Variants in PRORP observed in about 807,000 individuals in gnomAD.
PRORP encodes the protein protein only RNase P catalytic subunit.
Under a neutral mutation model 59.4 loss-of-function variants are expected in PRORP, and 51 were observed. The ratio of observed to expected loss-of-function variants is 0.86; its 90% CI spans 0.69 to 1.08. PRORP has a LOEUF of 1.08. Among genes scored for constraint, PRORP ranks in the 50% least tolerant of loss-of-function variants. The pLI is 0.00. For synonymous variants in PRORP, 231 were observed against 245.6 expected (o/e 0.94, Z 0.55); for missense variants, 646 against 690.3 (o/e 0.94, Z 0.72).
chr14:35,199,585 A>C (rs1303275310), intron 5 of PRORP, among the ~76,000 whole-genome samples: 1 of 152,128 alleles, frequency 6.6e-6, no homozygotes, highest in Non-Finnish European at 1.5e-5. Flanking sequence ...ACAGTGTTCA[A>C]GGTGCCATCT....
chr14:35,224,494 G>A (rs937463668), intron 5 of PRORP, among the ~76,000 whole-genome samples: 1 of 152,162 alleles, frequency 6.6e-6, no homozygotes, highest in Admixed American at 6.5e-5. Context: ...GAGAGGCTAA[G>A]TAACATCCCT....
chr14:35,128,888 T>C (rs983168062), intron 4 of PRORP, among the ~76,000 whole-genome samples: 5 of 152,156 alleles, frequency 3.3e-5, no homozygotes, highest in Admixed American at 2.6e-4. Context: ...TTACTCTTGC[T>C]TTTCTAGTTC....
intron 5 of PRORP, chr14:35,235,145 T>G (rs2050177915): frequency 1.8e-6 from 1 of 548,918 alleles, no homozygotes; most frequent in African/African-American, 1.9e-5. Flanking sequence ...TTAATTATTT[T>G]TATGTACAGA....
At chr14:35,266,992 TAAAA>T in intron 6 of PRORP, 117 bp downstream of exon 6, 1 of 668,510 alleles carries the variant, frequency 1.5e-6, no homozygotes, top group Non-Finnish European at 2.1e-6. Context: ...TCACCCTCAT[TAAAA>T]AAAAAAAAAG....
intron 5 of PRORP, among the ~76,000 whole-genome samples, chr14:35,260,223 G>A (rs184903918): frequency 6.6e-6 from 1 of 151,504 alleles, no homozygotes; most frequent in African/African-American, 2.4e-5. Context: ...TTGTTTCCCA[G>A]GCTGGTCTCA....
chr14:35,169,756 C>A (rs994717917), intron 4 of PRORP, among the ~76,000 whole-genome samples: 6 of 152,336 alleles, frequency 3.9e-5, no homozygotes, highest in African/African-American at 9.6e-5. Context: ...CAAACCATAT[C>A]AATGGCCTAC....
chr14:35,195,459 T>C (rs2048985388), intron 5 of PRORP, among the ~76,000 whole-genome samples: 1 of 152,130 alleles, frequency 6.6e-6, no homozygotes, highest in African/African-American at 2.4e-5. Flanking sequence ...TTACTGTGTG[T>C]GTTTTTATGT....
chr14:35,130,780 G>A (rs1017598384), intron 4 of PRORP, among the ~76,000 whole-genome samples: 5 of 151,856 alleles, frequency 3.3e-5, no homozygotes, highest in South Asian at 2.1e-4. Flanking sequence ...TACTGCACCC[G>A]GCCTATGTCC....
At chr14:35,205,382 G>T (rs897049635) in intron 5 of PRORP, among the ~76,000 whole-genome samples, 3 of 152,098 alleles carry the variant, frequency 2.0e-5, no homozygotes, top group African/African-American at 7.2e-5. Context: ...TAGAGATGAG[G>T]TTTCACCATG....
Position 35,123,960 on chromosome 14 carries a change from G to C in PRORP, c.715G>C (p.Val239Leu). 1 of 1,614,094 alleles carries C rather than the reference G, an allele frequency of 6.2e-7. No homozygotes were observed. Among genetic ancestry groups the C allele is most frequent in the East Asian group, 2.2e-5 (1 of 44,872 alleles). Residue 239 changes from valine (V) to leucine (L), a missense_variant, in exon 2 of 8, where the codon GTT becomes CTT. Transcript: ENST00000534898. ...GTTGCTGTTAGAGGACATCAAAAAAGTTATAACTCCTTCAAAAAAGAACTA... is the reference window on the plus strand; with the variant it reads ...GTTGCTGTTAGAGGACATCAAAAAACTTATAACTCCTTCAAAAAAGAACTA... ...ALLLLEDIKKVITPSKKNYND... is the reference protein window; with the variant it reads ...ALLLLEDIKKLITPSKKNYND...
At chr14:35,187,909 G>T (rs907275029) in intron 5 of PRORP, among the ~76,000 whole-genome samples, 10 of 149,526 alleles carry the variant, frequency 6.7e-5, no homozygotes, top group African/African-American at 2.5e-4. Context: ...GTGGTGCAGT[G>T]GTGCGATCTC....
chr14:35,154,338 A>G (rs2047857456), intron 4 of PRORP, among the ~76,000 whole-genome samples: 1 of 152,190 alleles, frequency 6.6e-6, no homozygotes, highest in Admixed American at 6.5e-5. Context: ...GAAGCTCTTT[A>G]GTCTACCTTT....
At chr14:35,234,890 C>T (rs1465610955) in intron 5 of PRORP, among the ~76,000 whole-genome samples, 1 of 151,722 alleles carries the variant, frequency 6.6e-6, no homozygotes, top group East Asian at 1.9e-4. Context: ...CGCTTTGTTT[C>T]CCAGGCTGGT....
chr14:35,154,032 T>C (rs2047849708), intron 4 of PRORP, among the ~76,000 whole-genome samples: 1 of 152,224 alleles, frequency 6.6e-6, no homozygotes, highest in African/African-American at 2.4e-5. Context: ...TCGTTCTTTT[T>C]CCTGGTCTTT....
At chr14:35,261,824 A>G (rs750997077) in intron 5 of PRORP, among the ~76,000 whole-genome samples, 6 of 152,164 alleles carry the variant, frequency 3.9e-5, no homozygotes, top group Non-Finnish European at 8.8e-5. Context: ...AAGTGGGTTC[A>G]TGGCTGGACT....
intron 5 of PRORP, among the ~76,000 whole-genome samples, chr14:35,205,732 C>T (rs538238466): frequency 6.6e-6 from 1 of 152,324 alleles, no homozygotes; most frequent in African/African-American, 2.4e-5. Context: ...AGAAAGTTTG[C>T]ACTATCACCA....
intron 4 of PRORP, among the ~76,000 whole-genome samples, chr14:35,171,104 C>T (rs2048304753): frequency 6.6e-6 from 1 of 152,184 alleles, no homozygotes; most frequent in Non-Finnish European, 1.5e-5. Context: ...CCACCTCGGC[C>T]TCCCAAAGTG....
chr14:35,170,731 T>C (rs1323239459), intron 4 of PRORP, among the ~76,000 whole-genome samples: 3 of 152,186 alleles, frequency 2.0e-5, no homozygotes, highest in African/African-American at 4.8e-5. Flanking sequence ...AATATCCACA[T>C]CTTTACCATT....
intron 4 of PRORP, among the ~76,000 whole-genome samples, chr14:35,147,127 A>G (rs984635230): frequency 6.6e-6 from 1 of 152,110 alleles, no homozygotes; most frequent in Non-Finnish European, 1.5e-5. Flanking sequence ...TCTTTCCACT[A>G]TGCTGTAGAC....
Sources: allele counts gnomAD v4.1 joint callset (sites outside exome capture counted in the v4.1 genomes callset), GRCh38; gene constraint gnomAD v4.1.1; transcripts MANE v1.5; gene names NCBI Gene and HGNC (gene_info 2026-07-23, HGNC 2026-07-21).